Variants in NRG1 observed in about 807,000 individuals in gnomAD.
The protein encoded by NRG1 is neuregulin 1.
Under a neutral mutation model 63.8 loss-of-function variants are expected in NRG1, and 18 were observed. The ratio of observed to expected loss-of-function variants is 0.28; its 90% confidence interval spans 0.19 to 0.42. The LOEUF is 0.42. Among genes scored for constraint, NRG1 ranks in the 10% least tolerant of loss-of-function variants. NRG1 has a pLI of 1.00. For synonymous variants in NRG1, 302 were observed against 301.3 expected, an observed-to-expected ratio of 1.00 and a Z score of -0.02; for missense variants, 762 against 814.7, an observed-to-expected ratio of 0.94 and a Z score of 0.79.
chr8:31,840,737 C>T (rs182998254), intron 1 of NRG1, among the ~76,000 whole-genome samples: 1 of 152,252 alleles, frequency 6.6e-6, no homozygotes, highest in East Asian at 1.9e-4. Flanking sequence ...ATAATTATAT[C>T]AGTGGATGTC....
chr8:32,388,655 GT>G (rs10706604), intron 1 of NRG1, among the ~76,000 whole-genome samples: 126,409 of 149,146 alleles, frequency 0.85, 53,810 homozygotes, highest in Non-Finnish European at 0.87. Context: ...TTACAAGACG[GT>G]TTTTTTTTTT....
chr8:31,910,688 C>T (rs1291788640), intron 1 of NRG1, among the ~76,000 whole-genome samples: 1 of 152,038 alleles, frequency 6.6e-6, no homozygotes, highest in African/African-American at 2.4e-5. Context: ...GAGTTTTGAA[C>T]ATATATGTGA....
intron 5 of NRG1, among the ~76,000 whole-genome samples, chr8:32,670,886 C>T (rs909744312): frequency 6.6e-6 from 1 of 152,096 alleles, no homozygotes. Context: ...CATAACAAAG[C>T]ATCATGTTGT....
At chr8:32,321,862 T>C (rs1801430266) in intron 1 of NRG1, among the ~76,000 whole-genome samples, 1 of 146,512 alleles carries the variant, frequency 6.8e-6, no homozygotes, top group Non-Finnish European at 1.5e-5. Context: ...TTTTTTTTTT[T>C]CTATTATATA....
chr8:31,661,285 C>T (rs778419850), intron 1 of NRG1, among the ~76,000 whole-genome samples: 1 of 152,164 alleles, frequency 6.6e-6, no homozygotes, highest in Non-Finnish European at 1.5e-5. Flanking sequence ...AGAGGTCTGA[C>T]CGCCTTTTAT....
At chr8:32,759,727 A>G (rs1481631561) in intron 10 of NRG1, among the ~76,000 whole-genome samples, 1 of 152,124 alleles carries the variant, frequency 6.6e-6, no homozygotes, top group Non-Finnish European at 1.5e-5. Flanking sequence ...AAATACTTAG[A>G]AGTCAATTTC....
chr8:32,598,169 A>G (rs1588589731), intron 2 of NRG1, among the ~76,000 whole-genome samples: 1 of 152,114 alleles, frequency 6.6e-6, no homozygotes, highest in African/African-American at 2.4e-5. Flanking sequence ...AAGATTGTAC[A>G]GAGATTATCT....
At chr8:32,274,577 A>G (rs188752606) in intron 1 of NRG1, among the ~76,000 whole-genome samples, 179 of 152,326 alleles carry the variant, frequency 1.2e-3, no homozygotes, top group African/African-American at 4.1e-3. Flanking sequence ...ACAGGGAAAG[A>G]AAGTGAAAGA....
chr8:31,921,913 C>A (rs1833952772), intron 1 of NRG1, among the ~76,000 whole-genome samples: 1 of 152,040 alleles, frequency 6.6e-6, no homozygotes, highest in Admixed American at 6.5e-5. Flanking sequence ...TGTTAATTTT[C>A]TTAATTTAAA....
At chr8:31,825,437 A>AAGAG (rs1230280961) in intron 1 of NRG1, among the ~76,000 whole-genome samples, 1 of 152,164 alleles carries the variant, frequency 6.6e-6, no homozygotes, top group East Asian at 1.9e-4. Flanking sequence ...CTGCTAGTTT[A>AAGAG]AGAGAGATGA....
intron 1 of NRG1, among the ~76,000 whole-genome samples, chr8:31,865,557 A>G (rs1020849465): frequency 3.3e-5 from 5 of 152,108 alleles, no homozygotes; most frequent in Non-Finnish European, 7.4e-5. Context: ...AGTTACCTCC[A>G]TGCTGTTCTT....
intron 1 of NRG1, among the ~76,000 whole-genome samples, chr8:32,406,326 A>G (rs1813974813): frequency 6.6e-6 from 1 of 152,196 alleles, no homozygotes; most frequent in Non-Finnish European, 1.5e-5. Context: ...GATTAAATAT[A>G]TCTATGCCTT....
In NRG1 at chr8:32,743,092, G is replaced by A. The variant is rs961515451; in HGVS notation, c.691+359G>A. 1.1e-5 allele frequency: 11 copies of A among 1,046,188 alleles called. No individual in the cohort carries two copies. The African/African-American group carries it at 1.8e-4, about 17-fold the overall frequency. 64.8% of individuals were successfully genotyped at this position (1,046,188 alleles called of 1,614,324 possible). On this transcript the variant is annotated intron_variant, in intron 7 of 11. Transcript: ENST00000356819. Reference sequence around the variant, plus strand: ...AAAATAAAAATCATTCTACTGAACAGTCCATCTTCTTTATACAATGACCAC... The same window carrying A: ...AAAATAAAAATCATTCTACTGAACAATCCATCTTCTTTATACAATGACCAC...
At chr8:31,883,062 A>G (rs189540552) in intron 1 of NRG1, among the ~76,000 whole-genome samples, 1 of 152,222 alleles carries the variant, frequency 6.6e-6, no homozygotes, top group East Asian at 1.9e-4. Context: ...AGAGCATTAT[A>G]TGCCACAGAG....
At chr8:32,538,933 G>A (rs1357951741) in intron 1 of NRG1, among the ~76,000 whole-genome samples, 1 of 152,176 alleles carries the variant, frequency 6.6e-6, no homozygotes, top group Admixed American at 6.5e-5. Context: ...CACAGTCACT[G>A]GTTCCCTTTG....
intron 1 of NRG1, among the ~76,000 whole-genome samples, chr8:32,415,589 A>G (rs1182262840): frequency 1.3e-5 from 2 of 152,198 alleles, no homozygotes; most frequent in African/African-American, 4.8e-5. Flanking sequence ...CTGGTAGAGA[A>G]GAGGAAAACA....
At chr8:31,706,970 A>G (rs915831119) in intron 1 of NRG1, among the ~76,000 whole-genome samples, 5 of 151,954 alleles carry the variant, frequency 3.3e-5, no homozygotes, top group Non-Finnish European at 5.9e-5. Flanking sequence ...TCAGAATTAT[A>G]TCATTTGTAT....
At chr8:31,792,865 C>T (rs1269658331) in intron 1 of NRG1, among the ~76,000 whole-genome samples, 2 of 152,188 alleles carry the variant, frequency 1.3e-5, no homozygotes, top group Non-Finnish European at 2.9e-5. Context: ...CTTTCTGAGT[C>T]CACAGATAGC....
chr8:32,305,573 G>T (rs763120685), intron 1 of NRG1, among the ~76,000 whole-genome samples: 1 of 152,196 alleles, frequency 6.6e-6, no homozygotes, highest in Non-Finnish European at 1.5e-5. Flanking sequence ...CCAGTCTGGG[G>T]TGATGTTTAA....
Sources: gnomAD v4.1 joint callset for allele counts (sites outside exome capture counted in the v4.1 genomes callset) on GRCh38, gnomAD v4.1.1 for gene constraint, MANE v1.5 for transcripts, NCBI Gene and HGNC (gene_info 2026-07-23, HGNC 2026-07-21) for gene names.